MAGI2: variants seen among roughly 807,000 people sequenced by gnomAD.
MAGI2 encodes the protein membrane-associated guanylate kinase, WW and PDZ domain-containing protein 2.
MAGI2 carries 35 observed loss-of-function variants against 133.3 expected under a neutral mutation model. That is an observed-to-expected ratio of 0.26 (90% confidence interval 0.20 to 0.35). The LOEUF (loss-of-function observed/expected upper bound fraction) is 0.35, where lower values mean the gene tolerates loss of function less well. Among genes scored for constraint, MAGI2 ranks in the 10% least tolerant of loss-of-function variants. The pLI is 1.00. For synonymous variants in MAGI2, 729 were observed against 710.6 expected (o/e 1.03, Z -0.41); for missense variants, 1,636 against 1,863.4 (o/e 0.88, Z 2.25).
chr7:78,768,637 A>G (rs1825264204), intron 2 of MAGI2, among the ~76,000 whole-genome samples: 1 of 152,226 alleles, frequency 6.6e-6, no homozygotes, highest in Admixed American at 6.5e-5. Context: ...CATCTTGTTA[A>G]AAGTATTGTA....
intron 2 of MAGI2, among the ~76,000 whole-genome samples, chr7:78,919,379 A>G (rs1799055110): frequency 6.6e-6 from 1 of 152,128 alleles, no homozygotes; most frequent in Non-Finnish European, 1.5e-5. Flanking sequence ...GAAATAGATT[A>G]TATATAATTT....
At chr7:79,060,139 TCTTA>T (rs920258277) in intron 1 of MAGI2, among the ~76,000 whole-genome samples, 17 of 152,034 alleles carry the variant, frequency 1.1e-4, no homozygotes, top group African/African-American at 3.9e-4. Flanking sequence ...CCAAAATATC[TCTTA>T]CTAACTATAA....
chr7:79,178,265 G>A (rs753293836), intron 1 of MAGI2, among the ~76,000 whole-genome samples: 8 of 151,830 alleles, frequency 5.3e-5, no homozygotes, highest in Admixed American at 1.3e-4. Flanking sequence ...ATCATTATTA[G>A]TGAAAACAGC....
chr7:78,966,550 T>G (rs1227314755), intron 2 of MAGI2, among the ~76,000 whole-genome samples: 1 of 152,170 alleles, frequency 6.6e-6, no homozygotes, highest in South Asian at 2.1e-4. Flanking sequence ...ACGTATATGC[T>G]ACATTTTCTT....
At chr7:79,129,134 T>G (rs1374445388) in intron 1 of MAGI2, among the ~76,000 whole-genome samples, 1 of 152,186 alleles carries the variant, frequency 6.6e-6, no homozygotes, top group Non-Finnish European at 1.5e-5. Flanking sequence ...TCCAAAGTGC[T>G]GGGATTACAG....
At chr7:79,365,378 A>T (rs1018901501) in intron 1 of MAGI2, among the ~76,000 whole-genome samples, 2 of 148,654 alleles carry the variant, frequency 1.3e-5, no homozygotes, top group Admixed American at 1.3e-4. Flanking sequence ...TTGGACATTT[A>T]TTCCAGAAGA....
intron 6 of MAGI2, among the ~76,000 whole-genome samples, chr7:78,462,278 C>T (rs761053396): frequency 6.6e-6 from 1 of 152,106 alleles, no homozygotes; most frequent in Non-Finnish European, 1.5e-5. Flanking sequence ...AACCAGTATA[C>T]AAATTAAGTT....
intron 6 of MAGI2, among the ~76,000 whole-genome samples, chr7:78,414,348 G>T (rs1798111781): frequency 6.6e-6 from 1 of 151,894 alleles, no homozygotes; most frequent in African/African-American, 2.4e-5. Flanking sequence ...ATCCAGAATT[G>T]ACTAATTTTG....
At chr7:79,084,992 G>T (rs1414561613) in intron 1 of MAGI2, among the ~76,000 whole-genome samples, 1 of 151,682 alleles carries the variant, frequency 6.6e-6, no homozygotes, top group Admixed American at 6.6e-5. Context: ...CACTCTTGCT[G>T]CTTTCAAATT....
intron 1 of MAGI2, among the ~76,000 whole-genome samples, chr7:79,070,002 G>T (rs1814796344): frequency 6.6e-6 from 1 of 152,080 alleles, no homozygotes; most frequent in South Asian, 2.1e-4. Context: ...TTCTATTTGT[G>T]GGTAACCCAA....
rs370762882 is a variant in MAGI2, at chr7:78,758,744, A to G, written c.419-131505T>C. On this transcript the variant is annotated intron_variant, in intron 2 of 21. Transcript: ENST00000354212. ...TTTGGGCAAACAATGCTCCTTATGC[A>G]TCTCAGACAATACAAATTCTTCTCC... Among the ~76,000 whole-genome samples the G allele has an allele frequency of 6.9e-4, 105 of 152,320 alleles. No individual in the cohort carries two copies. In the South Asian group the frequency reaches 0.021, roughly 30 times the overall value.
At chr7:79,045,932 A>G (rs1185544718) in intron 1 of MAGI2, among the ~76,000 whole-genome samples, 1 of 152,194 alleles carries the variant, frequency 6.6e-6, no homozygotes. Flanking sequence ...AATAACATAA[A>G]ACAATAATGA....
chr7:79,402,138 T>A (rs1397012038), intron 1 of MAGI2, among the ~76,000 whole-genome samples: 1 of 152,108 alleles, frequency 6.6e-6, no homozygotes, highest in Non-Finnish European at 1.5e-5. Context: ...TTTTTAGTTC[T>A]TTTTTTAAGG....
At chr7:78,449,785 A>G (rs963703821) in intron 6 of MAGI2, among the ~76,000 whole-genome samples, 1 of 152,108 alleles carries the variant, frequency 6.6e-6, no homozygotes, top group Non-Finnish European at 1.5e-5. Context: ...TATAGACATT[A>G]TCACTTAACC....
intron 1 of MAGI2, among the ~76,000 whole-genome samples, chr7:79,163,012 G>C (rs1292805747): frequency 2.6e-5 from 4 of 151,620 alleles, no homozygotes; most frequent in African/African-American, 4.8e-5. Context: ...CCTGCCAAGG[G>C]ACAAAAAACA....
At chr7:79,222,222 G>A (rs1190818954) in intron 1 of MAGI2, among the ~76,000 whole-genome samples, 1 of 151,890 alleles carries the variant, frequency 6.6e-6, no homozygotes, top group African/African-American at 2.4e-5. Context: ...AAAAATAAAT[G>A]GAAGTTCAAT....
intron 3 of MAGI2, among the ~76,000 whole-genome samples, chr7:78,552,295 T>C (rs1010240177): frequency 6.7e-6 from 1 of 149,028 alleles, no homozygotes; most frequent in Non-Finnish European, 1.5e-5. Context: ...GCAGTTCTCC[T>C]GACTCAGCCT....
intron 16 of MAGI2, among the ~76,000 whole-genome samples, chr7:78,156,990 G>A (rs1824459666): frequency 6.6e-6 from 1 of 152,196 alleles, no homozygotes; most frequent in Non-Finnish European, 1.5e-5. Context: ...CAGTCTCAGA[G>A]AGCCCAAAAC....
chr7:78,440,260 G>A (rs1433919096), intron 6 of MAGI2, among the ~76,000 whole-genome samples: 4 of 152,060 alleles, frequency 2.6e-5, no homozygotes, highest in Admixed American at 6.6e-5. Context: ...ATTCATTTAA[G>A]GTAGGTGCTT....
Sources: gnomAD v4.1 joint callset for allele counts (sites outside exome capture counted in the v4.1 genomes callset) on GRCh38, gnomAD v4.1.1 for gene constraint, MANE v1.5 for transcripts, NCBI Gene and HGNC (gene_info 2026-07-23, HGNC 2026-07-21) for gene names.